NEGR1: variants seen among roughly 807,000 people sequenced by gnomAD.
NEGR1 encodes IgLON family member 4.
Under a neutral mutation model 40.9 loss-of-function variants are expected in NEGR1, and 10 were observed. The observed-to-expected ratio is 0.24, with a 90% CI of 0.15 to 0.42. NEGR1 has a LOEUF of 0.42. Among genes scored for constraint, NEGR1 ranks in the 10% least tolerant of loss-of-function variants. NEGR1 has a pLI of 1.00. For synonymous variants in NEGR1, 185 were observed against 166.8 expected (o/e 1.11, Z -0.84); for missense variants, 352 against 438.9 (o/e 0.80, Z 1.77).
intron 2 of NEGR1, among the ~76,000 whole-genome samples, chr1:71,905,368 C>T (rs1661248909): frequency 6.6e-6 from 1 of 151,740 alleles, no homozygotes; most frequent in South Asian, 2.1e-4. Context: ...TTTCTAATCT[C>T]ATATTTTTCA....
At chr1:71,774,579 A>C (rs192839738) in intron 3 of NEGR1, among the ~76,000 whole-genome samples, 1 of 152,304 alleles carries the variant, frequency 6.6e-6, no homozygotes, top group Admixed American at 6.5e-5. Flanking sequence ...ACATTAGCAG[A>C]TAAAATACAT....
At chr1:72,143,885 T>TAC (rs1412657475) in intron 1 of NEGR1, among the ~76,000 whole-genome samples, 1 of 98,160 alleles carries the variant, frequency 1.0e-5, no homozygotes, top group East Asian at 2.6e-4. Context: ...CATATATTCA[T>TAC]ATATATATAT....
chr1:71,850,905 G>A (rs1306642249), intron 2 of NEGR1, among the ~76,000 whole-genome samples: 1 of 152,106 alleles, frequency 6.6e-6, no homozygotes, highest in East Asian at 1.9e-4. Context: ...ACTTTTTTGT[G>A]TGCTAGGAAT....
At chr1:72,135,195 T>C (rs1650404680) in intron 1 of NEGR1, among the ~76,000 whole-genome samples, 1 of 148,978 alleles carries the variant, frequency 6.7e-6, no homozygotes, top group Non-Finnish European at 1.5e-5. Flanking sequence ...GCTAACACGG[T>C]GAAACCCCGT....
chr1:72,230,020 T>A (rs567828352), intron 1 of NEGR1, among the ~76,000 whole-genome samples: 11 of 152,248 alleles, frequency 7.2e-5, no homozygotes, highest in Non-Finnish European at 1.6e-4. Context: ...GTTCTCTGAT[T>A]GCACAGGATT....
intron 1 of NEGR1, among the ~76,000 whole-genome samples, chr1:72,087,773 T>TA (rs1303675743): frequency 3.6e-4 from 52 of 146,020 alleles, no homozygotes; most frequent in Admixed American, 2.0e-4. Flanking sequence ...TTTTTTTTTT[T>TA]AATGTAGAGA....
At chr1:71,606,672 G>A (rs766652982) in intron 5 of NEGR1, among the ~76,000 whole-genome samples, 3 of 151,834 alleles carry the variant, frequency 2.0e-5, no homozygotes, top group Non-Finnish European at 4.4e-5. Context: ...ACAGTAAATT[G>A]ATGATAATAA....
chr1:71,610,260 T>G (rs967253358), intron 5 of NEGR1, among the ~76,000 whole-genome samples: 2 of 152,226 alleles, frequency 1.3e-5, no homozygotes, highest in Non-Finnish European at 2.9e-5. Context: ...TAGCATTTGC[T>G]TGAATATATT....
At chr1:71,608,553 GA>G (rs1364884020) in intron 5 of NEGR1, among the ~76,000 whole-genome samples, 18 of 137,302 alleles carry the variant, frequency 1.3e-4, no homozygotes, top group East Asian at 6.3e-4. Flanking sequence ...AGAGAGAGCA[GA>G]AAAAAAAAAT....
chr1:71,462,149 C>T (rs1052560678), intron 6 of NEGR1, among the ~76,000 whole-genome samples: 2 of 152,090 alleles, frequency 1.3e-5, no homozygotes, highest in African/African-American at 2.4e-5. Flanking sequence ...ATAAAATCCT[C>T]TTATAAGTAA....
intron 1 of NEGR1, among the ~76,000 whole-genome samples, chr1:72,060,675 T>A (rs539777881): frequency 4.0e-5 from 6 of 151,748 alleles, no homozygotes; most frequent in African/African-American, 1.4e-4. Context: ...GACATTCAAT[T>A]TGAGTAGTAC....
intron 2 of NEGR1, among the ~76,000 whole-genome samples, chr1:71,863,279 C>A (rs191588339): frequency 1.8e-3 from 274 of 152,192 alleles, no homozygotes; most frequent in African/African-American, 6.4e-3. Flanking sequence ...CGTAAAGGAA[C>A]AAGATCATGT....
At chr1:71,605,449 CGG>C (rs1650048734) in intron 5 of NEGR1, among the ~76,000 whole-genome samples, 1 of 152,104 alleles carries the variant, frequency 6.6e-6, no homozygotes, top group Non-Finnish European at 1.5e-5. Context: ...TAAGACAAGA[CGG>C]TAATACCATC....
intron 1 of NEGR1, among the ~76,000 whole-genome samples, chr1:72,281,523 G>A (rs1656248942): frequency 6.6e-6 from 1 of 152,004 alleles, no homozygotes; most frequent in South Asian, 2.1e-4. Flanking sequence ...GAAACGGTAT[G>A]GGGAGAGGGA....
At chr1:71,473,233 A>T (rs889637813) in intron 6 of NEGR1, among the ~76,000 whole-genome samples, 4 of 152,084 alleles carry the variant, frequency 2.6e-5, no homozygotes, top group African/African-American at 9.6e-5. Context: ...AAATACTTAC[A>T]TATTTTATAA....
intron 1 of NEGR1, among the ~76,000 whole-genome samples, chr1:72,212,001 T>C (rs1653626883): frequency 2.0e-5 from 3 of 151,964 alleles, no homozygotes; most frequent in African/African-American, 7.2e-5. Flanking sequence ...AATATGTAAG[T>C]GTAGAATACA....
At chr1:72,121,990 C>CGTTTGGTA (rs1649823377) in intron 1 of NEGR1, among the ~76,000 whole-genome samples, 1 of 151,510 alleles carries the variant, frequency 6.6e-6, no homozygotes, top group Non-Finnish European at 1.5e-5. Context: ...TACTGTTTAC[C>CGTTTGGTA]CAGATACCAA....
chr1:72,163,813 T>C (rs1651678567), intron 1 of NEGR1, among the ~76,000 whole-genome samples: 1 of 152,030 alleles, frequency 6.6e-6, no homozygotes, highest in African/African-American at 2.4e-5. Context: ...AGAAATATAA[T>C]ATTAAATTAT....
intron 1 of NEGR1, among the ~76,000 whole-genome samples, chr1:72,156,448 T>C (rs1054770023): frequency 2.6e-5 from 4 of 152,152 alleles, no homozygotes; most frequent in African/African-American, 9.6e-5. Context: ...TTTCTATTAG[T>C]TTTACACTTC....
Sources: gnomAD v4.1 joint callset for allele counts (sites outside exome capture counted in the v4.1 genomes callset) on GRCh38, gnomAD v4.1.1 for gene constraint, MANE v1.5 for transcripts, NCBI Gene and HGNC (gene_info 2026-07-23, HGNC 2026-07-21) for gene names.